Variants in MAP3K4 observed in about 807,000 individuals in gnomAD.
MAP3K4 encodes the protein mitogen-activated protein kinase kinase kinase 4.
Under a neutral mutation model 185.6 loss-of-function variants are expected in MAP3K4, and 67 were observed. That is an observed-to-expected ratio of 0.36 (90% CI 0.30 to 0.44). MAP3K4 has a LOEUF of 0.44. MAP3K4 is among the 20% of genes least tolerant of loss of function. MAP3K4 has a pLI of 1.00. For missense variants in MAP3K4, 1,551 were observed against 1,995.1 expected (o/e 0.78, Z 4.24); for synonymous variants, 702 against 710.4 (o/e 0.99, Z 0.19).
chr6:161,045,802 A>C (rs1783704942), intron 2 of MAP3K4, among the ~76,000 whole-genome samples: 1 of 152,220 alleles, frequency 6.6e-6, no homozygotes, highest in Non-Finnish European at 1.5e-5. Context: ...TATTTTAAAA[A>C]GCCCAACGCC....
In MAP3K4 at chr6:161,112,297, C is replaced by A. The variant is rs948011329; in HGVS notation, c.4519+339C>A. The stretch of plus-strand genomic sequence containing the variant: ...CTTACCCCGAATCACTCAGCATACA[C>A]CAGTCTCGTTGGCTGCCTGCCTGTC... On this transcript the variant is annotated intron_variant, in intron 24 of 26. Coordinates refer to ENST00000392142, the MANE Select transcript of MAP3K4 (RefSeq NM_005922.4). The surrounding 1 kb of genome is among the most constrained non-coding windows in gnomAD (Gnocchi z 5.1). Among the ~76,000 whole-genome samples, 1 of 152,154 alleles carries A rather than the reference C, an allele frequency of 6.6e-6. No individual in the cohort carries two copies. The highest frequency in any genetic ancestry group is 2.4e-5 in the African/African-American group (1 of 41,454).
In MAP3K4 at chr6:161,098,110, T is replaced by G. The variant is rs1777651480; in HGVS notation, c.3525-168T>G. 1 of 783,116 alleles carries G rather than the reference T, an allele frequency of 1.3e-6. No individual in the cohort carries two copies. The highest frequency in any genetic ancestry group is 2.5e-5 in the Admixed American group (1 of 39,320). 48.5% of individuals were successfully genotyped at this position (783,116 alleles called of 1,614,324 possible). On this transcript the variant is annotated intron_variant, in intron 16 of 26. Coordinates refer to ENST00000392142, the MANE Select transcript of MAP3K4 (RefSeq NM_005922.4). This position sits in a 1 kb window ranked among gnomAD's most constrained non-coding sequence, Gnocchi z 4.4. ...TCAAAAAAAAGAAAAGCTTTGAAGT[T>G]AGGTTTTTTCTTTTTTACACCTAGA...
rs757842545 is a variant in MAP3K4, at chr6:161,115,269, C to T, written c.4773C>T (p.Thr1591=). 37 of 1,613,828 alleles carry T rather than the reference C, an allele frequency of 2.3e-5. No individual in the cohort carries two copies. The highest frequency in any genetic ancestry group is 2.9e-5 in the Non-Finnish European group (34 of 1,179,916). The change falls in exon 26 of 27, where the codon ACC becomes ACT. Residue 1591 remains threonine (T), a synonymous_variant. Transcript: ENST00000392142. This position sits in a 1 kb window ranked among gnomAD's most constrained non-coding sequence, Gnocchi z 6.0. ...AGAGTGACCCAAAGATGAGATGGAC[C>T]GCCAGCCAGCTCCTCGACCATTCGT... The part of the protein sequence containing the change: ...CLESDPKMRW[T]ASQLLDHSFV...
At chr6:161,014,487 C>T (rs147026018) in intron 1 of MAP3K4, among the ~76,000 whole-genome samples, 25 of 152,294 alleles carry the variant, frequency 1.6e-4, no homozygotes, top group African/African-American at 6.0e-4. Context: ...TTTGGTCATG[C>T]AGAGAGCTGT....
In MAP3K4 at chr6:161,073,755, C is replaced by A. The variant is rs1785052784; in HGVS notation, c.2097+143C>A. The A allele has an allele frequency of 2.3e-6, 2 of 852,942 alleles. No individual in the cohort carries two copies. The highest frequency in any genetic ancestry group is 3.5e-5 in the African/African-American group (2 of 57,032). 52.8% of individuals were successfully genotyped at this position (852,942 alleles called of 1,614,324 possible). On this transcript the variant is annotated intron_variant, in intron 5 of 26. Transcript: ENST00000392142. The surrounding 1 kb of genome is among the most constrained non-coding windows in gnomAD (Gnocchi z 4.2). ...TAGTAATGAATTATAGAAATGATCC[C>A]TGAAAGTATAGCTTGTGTGTGTGTA...
chr6:161,075,709 G>A lies in MAP3K4; in HGVS notation c.2097+2097G>A, dbSNP rs1785143791. 6.6e-6 allele frequency among the ~76,000 whole-genome samples: 1 copy of A among 152,188 alleles called. No homozygotes were observed. Among genetic ancestry groups the A allele is most frequent in the Non-Finnish European group, 1.5e-5 (1 of 68,052 alleles). ...TTCTGTGCCATTGGTGAGCCTGTGT[G>A]ATAGTGGAAGTCTAGGCTAAGTGAC... On this transcript the variant is annotated intron_variant, in intron 5 of 26. Transcript: ENST00000392142. The surrounding 1 kb of genome is among the most constrained non-coding windows in gnomAD (Gnocchi z 4.3).
In MAP3K4 at chr6:161,070,693, C is replaced by G; in HGVS notation, c.1793C>G (p.Ala598Gly). The change falls in exon 4 of 27, where the codon GCT becomes GGT. Residue 598 changes from alanine to glycine, a missense_variant. Ala to Gly is a moderately conservative substitution (Grantham distance 60). Around this residue, in one of 16 missense-constraint regions of MAP3K4, gnomAD observed 86 missense variants for 81.6 expected, o/e 1.05. Transcript: ENST00000392142. The surrounding 1 kb of genome is among the most constrained non-coding windows in gnomAD (Gnocchi z 4.5). ...CCTTCATCTGAGGAGAAATGCAGTG[C>G]TGTGTCGTGGGAGGAGCTGAAGGCC... is the stretch of plus-strand genomic sequence containing the variant. ...TPPSSEEKCS[A>G]VSWEELKAMD... 1 of 1,614,072 alleles carries G rather than the reference C, an allele frequency of 6.2e-7. No homozygotes were observed. Among genetic ancestry groups the G allele is most frequent in the Non-Finnish European group, 8.5e-7 (1 of 1,179,986 alleles).
intron 25 of MAP3K4, among the ~76,000 whole-genome samples, chr6:161,113,580 ACG>A (rs1209363873): frequency 2.0e-5 from 3 of 152,068 alleles, no homozygotes; most frequent in African/African-American, 7.2e-5. Flanking sequence ...GAGCACACTA[ACG>A]CGAACTACAC....
At position 161,043,610 on chromosome 6, in the gene MAP3K4, T is replaced by A. The variant is rs1783590284; in HGVS notation, c.344-5006T>A. The stretch of plus-strand genomic sequence containing the variant: ...TTGTTACGAAAATTATGACAATGTC[T>A]GTGAAGCCCTTACCTGGAAAATGGA... On this transcript the variant is annotated intron_variant, in intron 2 of 26. Transcript: ENST00000392142. This position sits in a 1 kb window ranked among gnomAD's most constrained non-coding sequence, Gnocchi z 4.3. Among the ~76,000 whole-genome samples the A allele has an allele frequency of 6.6e-6, 1 of 152,236 alleles. No individual in the cohort carries two copies. Among genetic ancestry groups the A allele is most frequent in the African/African-American group, 2.4e-5 (1 of 41,466 alleles).
Position 161,112,611 on chromosome 6 carries a change from AATAC to A in MAP3K4, c.4520-54_4520-51del. ...TATTAATTTATTGCTTGGCTCTATT[AATAC>A]ATGTTGATGTGTTTATAACCCATTA... On this transcript the variant is annotated intron_variant, in intron 24 of 26. Coordinates refer to ENST00000392142, the MANE Select transcript of MAP3K4 (RefSeq NM_005922.4). This position sits in a 1 kb window ranked among gnomAD's most constrained non-coding sequence, Gnocchi z 5.1. 1 of 1,034,388 alleles carries A rather than the reference AATAC, an allele frequency of 9.7e-7. No homozygotes were observed. 64.1% of individuals were successfully genotyped at this position (1,034,388 alleles called of 1,614,324 possible). A position where few individuals can be genotyped will look rare whatever the true frequency, so the allele number is the denominator to read the frequency against.
chr6:161,081,456 A>G (rs937228841), intron 6 of MAP3K4, among the ~76,000 whole-genome samples: 6 of 152,164 alleles, frequency 3.9e-5, no homozygotes, highest in African/African-American at 1.4e-4. Flanking sequence ...CAAGAGTAGA[A>G]TATACCCGCG....
At chr6:161,041,997 A>G (rs1783489871) in intron 2 of MAP3K4, among the ~76,000 whole-genome samples, 1 of 132,842 alleles carries the variant, frequency 7.5e-6, no homozygotes, top group Non-Finnish European at 1.5e-5. Context: ...GACTCAAGTG[A>G]TCCTCCCGCC....
At position 161,051,065 on chromosome 6, in the gene MAP3K4, A is replaced by G. The variant is rs1783981719; in HGVS notation, c.1707+1086A>G. Among the ~76,000 whole-genome samples the G allele has an allele frequency of 6.6e-6, 1 of 152,230 alleles. No homozygotes were observed. Among genetic ancestry groups the G allele is most frequent in the Non-Finnish European group, 1.5e-5 (1 of 68,040 alleles). ...CTTATGTAATATAAATGCTGTGTAA[A>G]TGGTTGTTAATACTGTATAGTTTGG... is the stretch of plus-strand genomic sequence containing the variant. On this transcript the variant is annotated intron_variant, in intron 3 of 26. Transcript: ENST00000392142. The surrounding 1 kb of genome is among the most constrained non-coding windows in gnomAD (Gnocchi z 4.2).
intron 4 of MAP3K4, among the ~76,000 whole-genome samples, chr6:161,072,451 G>A (rs1784993113): frequency 6.6e-6 from 1 of 151,996 alleles, no homozygotes; most frequent in African/African-American, 2.4e-5. Flanking sequence ...TTTTTTCCCT[G>A]TAAGTATTTT....
Position 161,073,718 on chromosome 6 carries a change from G to T in MAP3K4, c.2097+106G>T. 1 of 1,147,750 alleles carries T rather than the reference G, an allele frequency of 8.7e-7. No individual in the cohort carries two copies. The highest frequency in any genetic ancestry group is 2.8e-5 in the Admixed American group (1 of 35,808). The allele number at this position is 1,147,750 out of a possible 1,614,324, so 71.1% of individuals were successfully genotyped here. A position where few individuals can be genotyped will look rare whatever the true frequency, so the allele number is the denominator to read the frequency against. The stretch of plus-strand genomic sequence containing the variant: ...CAAACAGCGTTGGCATACATATTCA[G>T]ATAAACTTCTCTAGTAATGAATTAT... On this transcript the variant is annotated intron_variant, in intron 5 of 26. Coordinates refer to ENST00000392142, the MANE Select transcript of MAP3K4 (RefSeq NM_005922.4). This position sits in a 1 kb window ranked among gnomAD's most constrained non-coding sequence, Gnocchi z 4.2.
chr6:160,993,008 G>T (rs1428316994), intron 1 of MAP3K4, among the ~76,000 whole-genome samples: 2 of 152,050 alleles, frequency 1.3e-5, no homozygotes, highest in Admixed American at 1.3e-4. Context: ...TTATGGTCTT[G>T]CTCTATGGTT....
chr6:161,034,645 C>G lies in MAP3K4; in HGVS notation c.343+196C>G, dbSNP rs924415220. ...TTTTCCAGAGATAGAAACGTTTGTC[C>G]TGAGTAATGGTTAAAGCCAGCAATG... On this transcript the variant is annotated intron_variant, in intron 2 of 26. Transcript: ENST00000392142. The surrounding 1 kb of genome is among the most constrained non-coding windows in gnomAD (Gnocchi z 4.4). 6.6e-6 allele frequency among the ~76,000 whole-genome samples: 1 copy of G among 151,842 alleles called. No individual in the cohort carries two copies. The highest frequency in any genetic ancestry group is 1.5e-5 in the Non-Finnish European group (1 of 68,000).
chr6:161,021,732 A>G (rs1019530546), intron 1 of MAP3K4, among the ~76,000 whole-genome samples: 1 of 152,214 alleles, frequency 6.6e-6, no homozygotes, highest in Non-Finnish European at 1.5e-5. Context: ...TGAGGGCAGG[A>G]ACAGTAATGT....
In MAP3K4 at chr6:161,043,718, T is replaced by G. The variant is rs1783596139; in HGVS notation, c.344-4898T>G. Among the ~76,000 whole-genome samples, 1 of 152,202 alleles carries G rather than the reference T, an allele frequency of 6.6e-6. No homozygotes were observed. The highest frequency in any genetic ancestry group is 2.1e-4 in the South Asian group (1 of 4,834). On this transcript the variant is annotated intron_variant, in intron 2 of 26. Transcript: ENST00000392142. The surrounding 1 kb of genome is among the most constrained non-coding windows in gnomAD (Gnocchi z 4.3). The stretch of plus-strand genomic sequence containing the variant: ...TGCACTTTAGCAGGAACGCAGTGAT[T>G]TCGAACATACACTGAAATTTGAGAA...
Sources: allele counts gnomAD v4.1 joint callset (sites outside exome capture counted in the v4.1 genomes callset), GRCh38; gene constraint gnomAD v4.1.1; regional missense constraint gnomAD v4.1.1; non-coding constraint Gnocchi (gnomAD v3.1); transcripts MANE v1.5; gene names NCBI Gene and HGNC (gene_info 2026-07-23, HGNC 2026-07-21).